PDZD2: variants seen among roughly 807,000 people sequenced by gnomAD.
PDZD2 encodes PDZ domain containing 2.
A neutral mutation model predicts 220.7 loss-of-function variants in PDZD2; 90 were observed. The ratio of observed to expected loss-of-function variants is 0.41; its 90% CI spans 0.34 to 0.49. The LOEUF (loss-of-function observed/expected upper bound fraction) is 0.49, where lower values mean the gene tolerates loss of function less well. Among genes scored for constraint, PDZD2 ranks in the 20% least tolerant of loss-of-function variants. The pLI, the probability that PDZD2 is intolerant of heterozygous loss-of-function variation, is 0.28. For synonymous variants in PDZD2, 1,375 were observed against 1,450.5 expected, an observed-to-expected ratio of 0.95 and a Z score of 1.18; for missense variants, 3,174 against 3,608.5, an observed-to-expected ratio of 0.88 and a Z score of 3.08.
At chr5:31,752,088 T>TTTTTTTTTTTTTTTG (rs1561431820) in intron 1 of PDZD2, among the ~76,000 whole-genome samples, 2 of 141,022 alleles carry the variant, frequency 1.4e-5, no homozygotes, top group African/African-American at 2.6e-5. Context: ...TTTTTTTTTT[T>TTTTTTTTTTTTTTTG]TTCTGAGACA....
intron 2 of PDZD2, among the ~76,000 whole-genome samples, chr5:31,892,888 G>T (rs567704895): frequency 6.6e-6 from 1 of 152,190 alleles, no homozygotes; most frequent in East Asian, 1.9e-4. Context: ...GTTTCTTATG[G>T]AGCTCACAGC....
At chr5:31,895,047 G>A (rs139113559) in intron 2 of PDZD2, among the ~76,000 whole-genome samples, 3,129 of 152,104 alleles carry the variant, frequency 0.021, 115 homozygotes, top group African/African-American at 0.072. Context: ...CCGCCACCAC[G>A]CCCACCTAAT....
At chr5:31,830,966 T>C (rs1031592443) in intron 2 of PDZD2, among the ~76,000 whole-genome samples, 2 of 152,180 alleles carry the variant, frequency 1.3e-5, no homozygotes, top group Admixed American at 6.5e-5. Flanking sequence ...ATTCACCCAG[T>C]GGGAAAGCAA....
At chr5:32,036,670 T>A (rs1755580940) in intron 6 of PDZD2, among the ~76,000 whole-genome samples, 1 of 152,184 alleles carries the variant, frequency 6.6e-6, no homozygotes, top group Non-Finnish European at 1.5e-5. Context: ...AGCCGTCTGA[T>A]CAATACTCAC....
chr5:31,716,145 T>C (rs1748431280), intron 1 of PDZD2, among the ~76,000 whole-genome samples: 1 of 152,226 alleles, frequency 6.6e-6, no homozygotes, highest in East Asian at 1.9e-4. Flanking sequence ...TAATGACAGA[T>C]AGAACCAACG....
At position 31,646,098 on chromosome 5, in the gene PDZD2, C is replaced by T. The variant is rs564810246; in HGVS notation, c.-361+6661C>T. Among the ~76,000 whole-genome samples, 3 of 152,206 alleles carry T rather than the reference C, an allele frequency of 2.0e-5. No individual in the cohort carries two copies. Among genetic ancestry groups the T allele is most frequent in the South Asian group, 2.1e-4 (1 of 4,812 alleles). On this transcript the variant is annotated intron_variant, in intron 1 of 24. Coordinates refer to ENST00000438447, the MANE Select transcript of PDZD2 (RefSeq NM_178140.4). The surrounding 1 kb of genome is among the most constrained non-coding windows in gnomAD (Gnocchi z 4.7). ...CTAGGGAGATCTCAGGATACCTAGG[C>T]GGAAGAAAATAAACACCAACTCTTT...
chr5:31,984,068 C>T (rs2111879130), intron 3 of PDZD2, among the ~76,000 whole-genome samples: 1 of 152,332 alleles, frequency 6.6e-6, no homozygotes, highest in East Asian at 1.9e-4. Context: ...CTGATGGCAG[C>T]TGACACCACA....
At chr5:31,649,296 T>C (rs1561362343) in intron 1 of PDZD2, among the ~76,000 whole-genome samples, 2 of 151,996 alleles carry the variant, frequency 1.3e-5, no homozygotes, top group Non-Finnish European at 2.9e-5. Flanking sequence ...TATGACTCCT[T>C]CTCTTAGCAC....
At chr5:31,652,530 CT>C (rs1453295345) in intron 1 of PDZD2, among the ~76,000 whole-genome samples, 1 of 152,196 alleles carries the variant, frequency 6.6e-6, no homozygotes, top group East Asian at 1.9e-4. Context: ...CCCAAATCAA[CT>C]TTTTTCCTTT....
rs542811429 is a variant in PDZD2, at chr5:31,846,070, A to T, written c.476+46346A>T. 5.3e-5 allele frequency among the ~76,000 whole-genome samples: 8 copies of T among 152,292 alleles called. No homozygotes were observed. The South Asian group carries it at 1.5e-3, about 28-fold the overall frequency. ...CCATGAACTGTTCTGTTCCTGGGGA[A>T]CTATGTCAAATGGTTCAGCCCCTCT... is the stretch of plus-strand genomic sequence containing the variant. On this transcript the variant is annotated intron_variant, in intron 2 of 24. Coordinates refer to ENST00000438447, the MANE Select transcript of PDZD2 (RefSeq NM_178140.4).
chr5:31,717,978 C>A (rs374895632), intron 1 of PDZD2, among the ~76,000 whole-genome samples: 3 of 152,224 alleles, frequency 2.0e-5, no homozygotes, highest in Non-Finnish European at 4.4e-5. Context: ...CTCTTTTCCT[C>A]GCCTCTCCTT....
intron 1 of PDZD2, among the ~76,000 whole-genome samples, chr5:31,641,146 A>G (rs1247187008): frequency 1.3e-5 from 2 of 152,148 alleles, no homozygotes; most frequent in African/African-American, 2.4e-5. Flanking sequence ...AGGTTCCAGG[A>G]TATGCTTAGA....
intron 6 of PDZD2, among the ~76,000 whole-genome samples, chr5:32,017,070 G>T (rs753534542): frequency 1.3e-5 from 2 of 152,106 alleles, no homozygotes; most frequent in Non-Finnish European, 2.9e-5. Context: ...TCACCATCCC[G>T]CAATGCCCCC....
At chr5:31,995,813 G>A in intron 4 of PDZD2, 95 bp downstream of exon 4, 2 of 1,145,302 alleles carry the variant, frequency 1.7e-6, no homozygotes, top group Non-Finnish European at 1.3e-6. Flanking sequence ...CTTGTTCAAA[G>A]CCCTGGCGAT....
chr5:32,066,237 C>T (rs921195622), intron 14 of PDZD2, among the ~76,000 whole-genome samples: 6 of 151,698 alleles, frequency 4.0e-5, no homozygotes, highest in Non-Finnish European at 5.9e-5. Flanking sequence ...CCCAGCTACT[C>T]GGGAGGCTGA....
chr5:31,741,963 C>T (rs1220809603), intron 1 of PDZD2: 1 of 152,222 alleles, frequency 6.6e-6, no homozygotes, highest in African/African-American at 2.4e-5. Context: ...GGCAGCCTTT[C>T]CTCCAGAAAA....
intron 2 of PDZD2, chr5:31,840,777 T>C (rs920150933): frequency 2.8e-5 from 23 of 808,628 alleles, no homozygotes; most frequent in Non-Finnish European, 4.1e-5. Context: ...CTGGGGAACA[T>C]TGTAGACTCT....
At chr5:32,026,301 T>C (rs1371728876) in intron 6 of PDZD2, among the ~76,000 whole-genome samples, 1 of 152,088 alleles carries the variant, frequency 6.6e-6, no homozygotes, top group Admixed American at 6.5e-5. Flanking sequence ...CACACCCAGC[T>C]AGATTTTGTA....
chr5:31,698,147 T>TCCTGC (rs1346181856), intron 1 of PDZD2, among the ~76,000 whole-genome samples: 4 of 149,466 alleles, frequency 2.7e-5, no homozygotes, highest in African/African-American at 9.8e-5. Context: ...GACCTCATGA[T>TCCTGC]CCTGCCTCAG....
Sources: gnomAD v4.1 joint callset for allele counts (sites outside exome capture counted in the v4.1 genomes callset) on GRCh38, gnomAD v4.1.1 for gene constraint, Gnocchi (gnomAD v3.1) non-coding constraint, MANE v1.5 for transcripts, NCBI Gene and HGNC (gene_info 2026-07-23, HGNC 2026-07-21) for gene names.